The following CFAP47 variants were observed in gnomAD, a reference collection of about 807,000 sequenced individuals.
CFAP47 encodes the protein cilia- and flagella-associated protein 47.
CFAP47 carries 29 observed loss-of-function variants against 148.1 expected under a neutral mutation model. The ratio of observed to expected loss-of-function variants is 0.20; its 90% CI spans 0.15 to 0.27. CFAP47 has a LOEUF of 0.27. CFAP47 is among the 10% of genes least tolerant of loss of function. CFAP47 has a pLI of 1.00. For synonymous variants in CFAP47, 664 were observed against 577.3 expected (o/e 1.15, Z -2.15); for missense variants, 1,872 against 1,697.5 (o/e 1.10, Z -1.81).
chrX:35,968,231 G>A (rs1936437899), intron 10 of CFAP47, among the ~76,000 whole-genome samples: 3 of 110,845 alleles, frequency 2.7e-5, no homozygotes, highest in South Asian at 7.5e-4. Flanking sequence ...ATAAAATTGT[G>A]TAAAACAATC....
At chrX:36,124,215 A>T (rs1023608534) in intron 33 of CFAP47, among the ~76,000 whole-genome samples, 8 of 111,405 alleles carry the variant, frequency 7.2e-5, no homozygotes, top group African/African-American at 2.6e-4. Context: ...GAGGGAAAGA[A>T]TCTCCTTTGG....
In CFAP47 at chrX:36,170,375, C is replaced by T. The variant is rs183714973; in HGVS notation, c.6027-8970C>T. 6.3e-3 allele frequency among the ~76,000 whole-genome samples: 695 copies of T among 110,554 alleles called. 13 individuals carry two copies. The highest frequency in any genetic ancestry group is 0.022 in the African/African-American group (660 of 30,288). On this transcript the variant is annotated intron_variant, in intron 39 of 63. Coordinates refer to ENST00000378653, the MANE Select transcript of CFAP47 (RefSeq NM_001304548.2). ...AGGTTAGTTACATATGATACATGTG[C>T]CATGCTGGTGCGCTGCACCCACTAC...
intron 26 of CFAP47, among the ~76,000 whole-genome samples, chrX:36,054,745 C>T (rs1937540291): frequency 9.0e-6 from 1 of 110,964 alleles, no homozygotes; most frequent in South Asian, 3.8e-4. Context: ...TATAAAGAAT[C>T]TTAGAGAACT....
intron 4 of CFAP47, among the ~76,000 whole-genome samples, chrX:35,949,390 T>G (rs1319406827): frequency 9.1e-6 from 1 of 109,967 alleles, no homozygotes; most frequent in Non-Finnish European, 1.9e-5. Context: ...AAATGTGGAG[T>G]GAGAATCTTG....
chrX:36,176,296 T>G (rs1939680298), intron 39 of CFAP47, among the ~76,000 whole-genome samples: 4 of 112,546 alleles, frequency 3.6e-5, no homozygotes, highest in Non-Finnish European at 7.5e-5. Flanking sequence ...AGACCGGAGC[T>G]GTTCCTATTC....
In CFAP47 at chrX:35,993,341, T is replaced by A. The variant is rs1308992366; in HGVS notation, c.3099+20T>A. ...GCAAAGGTATGTCCATACATATGAG[T>A]TTTTGCACCTTACATATGTCTATGT... On this transcript the variant is annotated intron_variant, in intron 18 of 63. Coordinates refer to ENST00000378653, the MANE Select transcript of CFAP47 (RefSeq NM_001304548.2). The A allele has an allele frequency of 3.5e-6, 1 of 288,286 alleles. No homozygotes were observed. Among genetic ancestry groups the A allele is most frequent in the Non-Finnish European group, 6.0e-6 (1 of 165,375 alleles). The allele number at this position is 288,286 out of a possible 1,213,427, so 23.8% of individuals were successfully genotyped here.
intron 56 of CFAP47, 59 bp from the exon 57 acceptor site, chrX:36,319,150 C>T (rs186848562): frequency 9.3e-5 from 51 of 548,319 alleles, no homozygotes; most frequent in Non-Finnish European, 1.1e-4. Flanking sequence ...CCATCTCCAC[C>T]GCTGTTTTTC....
At chrX:36,266,766 C>T (rs782105483) in intron 49 of CFAP47, among the ~76,000 whole-genome samples, 1 of 110,741 alleles carries the variant, frequency 9.0e-6, no homozygotes, top group East Asian at 2.9e-4. Context: ...TCAGATTCGC[C>T]CTGGTCCTAT....
At chrX:36,221,532 A>G (rs934212514) in intron 45 of CFAP47, among the ~76,000 whole-genome samples, 24 of 111,798 alleles carry the variant, frequency 2.1e-4, no homozygotes, top group African/African-American at 7.5e-4. Context: ...AAACACAAAT[A>G]TATCATTAAT....
intron 15 of CFAP47, among the ~76,000 whole-genome samples, chrX:35,976,325 C>T (rs1936570087): frequency 9.0e-6 from 1 of 111,094 alleles, no homozygotes; most frequent in South Asian, 3.8e-4. Flanking sequence ...ATTATTCCTC[C>T]TGGGACATCA....
Position 35,991,712 on chromosome X carries a change from G to A in CFAP47, c.2845-109G>A, listed in dbSNP as rs1043385333. The A allele has an allele frequency of 1.1e-5, 3 of 274,834 alleles. No individual in the cohort carries two copies. The East Asian group carries it at 1.6e-4, about 14-fold the overall frequency. 22.6% of individuals were successfully genotyped at this position (274,834 alleles called of 1,213,427 possible). On this transcript the variant is annotated intron_variant, in intron 16 of 63. Transcript: ENST00000378653. ...TTTTCTTTTAGTATTTATATCTTTGGTTAATATATATTCAAAATTAGAATA... is the reference window on the plus strand; with the variant it reads ...TTTTCTTTTAGTATTTATATCTTTGATTAATATATATTCAAAATTAGAATA...
intron 57 of CFAP47, among the ~76,000 whole-genome samples, chrX:36,335,137 A>T (rs2146974615): frequency 9.0e-6 from 1 of 111,202 alleles, no homozygotes; most frequent in East Asian, 2.8e-4. Context: ...TACATGTCTC[A>T]AAACAAAATA....
intron 39 of CFAP47, among the ~76,000 whole-genome samples, chrX:36,165,890 G>T (rs1293042441): frequency 9.0e-6 from 1 of 110,676 alleles, no homozygotes; most frequent in Non-Finnish European, 1.9e-5. Flanking sequence ...ATTCAGATTG[G>T]ATTAGGACCC....
chrX:36,264,883 C>G (rs1422460321), intron 49 of CFAP47, among the ~76,000 whole-genome samples: 4 of 112,101 alleles, frequency 3.6e-5, no homozygotes, highest in African/African-American at 1.3e-4. Context: ...ATTGCTTTGA[C>G]TATTTGGGCA....
intron 62 of CFAP47, among the ~76,000 whole-genome samples, chrX:36,369,210 T>C (rs1556020886): frequency 9.0e-6 from 1 of 111,001 alleles, no homozygotes; most frequent in African/African-American, 3.3e-5. Flanking sequence ...TTGTCAGAAA[T>C]TCTATGATAT....
chrX:36,193,161 A>G (rs1555986750), intron 42 of CFAP47, among the ~76,000 whole-genome samples: 1 of 111,786 alleles, frequency 8.9e-6, no homozygotes. Context: ...TGCAGAGATT[A>G]AGTTGGCAGT....
At chrX:36,269,097 A>G (rs1556001478) in intron 49 of CFAP47, among the ~76,000 whole-genome samples, 1 of 112,058 alleles carries the variant, frequency 8.9e-6, no homozygotes. Flanking sequence ...CTTTTGTGAA[A>G]AGTGATCTCC....
At chrX:36,261,414 G>A (rs1385329962) in intron 49 of CFAP47, among the ~76,000 whole-genome samples, 1 of 100,208 alleles carries the variant, frequency 1.0e-5, no homozygotes, top group Non-Finnish European at 2.0e-5. Flanking sequence ...GTGGAGGGAA[G>A]GTCAGCAGAT....
At position 36,086,564 on chromosome X, in the gene CFAP47, T is replaced by C. The variant is rs147210029; in HGVS notation, c.4916+1026T>C. Among the ~76,000 whole-genome samples the C allele has an allele frequency of 7.0e-3, 786 of 112,147 alleles. 4 individuals are homozygous for C. The highest frequency in any genetic ancestry group is 0.023 in the Middle Eastern group (5 of 217). ...AAGAAGAATACTCTTATAGCAGGAA[T>C]ACAAATTAAAGATTTGACATTCAAT... On this transcript the variant is annotated intron_variant, in intron 30 of 63. Transcript: ENST00000378653.
Sources: allele counts gnomAD v4.1 joint callset (sites outside exome capture counted in the v4.1 genomes callset), GRCh38; gene constraint gnomAD v4.1.1; transcripts MANE v1.5; gene names NCBI Gene and HGNC (gene_info 2026-07-23, HGNC 2026-07-21).